Variants in SEC22C observed in about 807,000 individuals in gnomAD.
SEC22C encodes vesicle-trafficking protein SEC22c.
Under a neutral mutation model 34.7 loss-of-function variants are expected in SEC22C, and 29 were observed. The observed-to-expected ratio is 0.84, with a 90% CI of 0.62 to 1.14. SEC22C has a LOEUF of 1.14. Ranked by LOEUF, SEC22C falls within the 50% of genes most tolerant of loss-of-function variation. The pLI is 0.00. For missense variants in SEC22C, 337 were observed against 369.0 expected, an observed-to-expected ratio of 0.91 and a Z score of 0.71; for synonymous variants, 117 against 132.8, an observed-to-expected ratio of 0.88 and a Z score of 0.82.
rs1363283164 is a variant in SEC22C, at chr3:42,570,340, TTCTTAGGAAACCTACC to T, written c.-27-1283_-27-1268del. Among the ~76,000 whole-genome samples the T allele has an allele frequency of 6.6e-5, 10 of 152,334 alleles. No individual in the cohort carries two copies. In the East Asian group the frequency reaches 1.9e-3, roughly 29 times the overall value. Reference sequence around the variant, plus strand: ...AGAAGTACTTTCTCCCTCTTTTAAATTCTTAGGAAACCTACCTCTTTGTTCTCTATTTTACTGATTT... The same window carrying T: ...AGAAGTACTTTCTCCCTCTTTTAAATTCTTTGTTCTCTATTTTACTGATTT... On this transcript the variant is annotated intron_variant, in intron 1 of 6. Coordinates refer to ENST00000264454, the MANE Select transcript of SEC22C (RefSeq NM_032970.4).
rs886641719 is a variant in SEC22C, at chr3:42,549,900, T to TTA, written c.*3346_*3347dup. ...AAGCCCAAAAAGCAAAAGCAGGAGC[T>TTA]TATGGTCACATGCCTCCAGCTGCAG... On this transcript the variant is annotated 3_prime_UTR_variant, in exon 7 of 7. Coordinates refer to ENST00000264454, the MANE Select transcript of SEC22C (RefSeq NM_032970.4). 120 of 985,430 alleles carry TTA rather than the reference T, an allele frequency of 1.2e-4. No homozygotes were observed. The African/African-American group carries it at 1.7e-3, about 14-fold the overall frequency. 61.0% of individuals were successfully genotyped at this position (985,430 alleles called of 1,614,324 possible).
chr3:42,597,534 C>T (rs1015738712), intron 1 of SEC22C, among the ~76,000 whole-genome samples: 3 of 146,824 alleles, frequency 2.0e-5, no homozygotes, highest in South Asian at 2.1e-4. Flanking sequence ...CCAACCTGGG[C>T]GACGGAGCGA....
chr3:42,594,694 A>C, intron 1 of SEC22C: 8 of 473,926 alleles, frequency 1.7e-5, no homozygotes, highest in Non-Finnish European at 2.2e-5. Flanking sequence ...CTGTATTCTC[A>C]TGTAAATATT....
chr3:42,570,874 A>C (rs1041486281), intron 1 of SEC22C, among the ~76,000 whole-genome samples: 2 of 152,220 alleles, frequency 1.3e-5, no homozygotes, highest in African/African-American at 4.8e-5. Flanking sequence ...ATTTGAGACC[A>C]GGGCTTAGGC....
chr3:42,576,205 A>G (rs890127400), intron 1 of SEC22C, among the ~76,000 whole-genome samples: 8 of 152,340 alleles, frequency 5.3e-5, no homozygotes, highest in Admixed American at 4.6e-4. Flanking sequence ...CAGCTAAAAC[A>G]GTACCGAGAG....
In SEC22C at chr3:42,578,180, T is replaced by C. The variant is rs147020804; in HGVS notation, c.-28+3666A>G. On this transcript the variant is annotated intron_variant, in intron 1 of 6. Transcript: ENST00000264454. ...ACCAAAATGTCCTACAAATAGTGAA[T>C]GGTTAAACAAACCGCAGTATATTCA... Among the ~76,000 whole-genome samples, 373 of 152,290 alleles carry C rather than the reference T, an allele frequency of 2.4e-3. 1 individual carries two copies. The highest frequency in any genetic ancestry group is 7.1e-3 in the African/African-American group (295 of 41,562).
chr3:42,581,047 A>G (rs1422665180), intron 1 of SEC22C, among the ~76,000 whole-genome samples: 1 of 152,254 alleles, frequency 6.6e-6, no homozygotes, highest in Non-Finnish European at 1.5e-5. Flanking sequence ...AATCAGAGCT[A>G]TTAACATTGT....
At position 42,553,342 on chromosome 3, in the gene SEC22C, CA is replaced by C; in HGVS notation, c.817del (p.Trp273GlyfsTer7). ...NMYLHGLRNLWQILFHIGVAF... is the reference protein window; with the variant it reads ...NMYLHGLRNLXQILFHIGVAF... ...CACTCCTATGTGGAAAAGGATTTGC[CA>C]GAGGTTCCTCAGCCCGTGCAGGTAC... On this transcript the variant is annotated frameshift_variant, in exon 7 of 7. Transcript: ENST00000264454. LOFTEE classifies it high-confidence loss of function. 2 of 1,614,106 alleles carry C rather than the reference CA, an allele frequency of 1.2e-6. No homozygotes were observed. The highest frequency in any genetic ancestry group is 1.7e-6 in the Non-Finnish European group (2 of 1,180,026).
chr3:42,598,735 A>G (rs543342136), intron 1 of SEC22C, among the ~76,000 whole-genome samples: 1 of 152,120 alleles, frequency 6.6e-6, no homozygotes, highest in African/African-American at 2.4e-5. Context: ...GAACTTGGGA[A>G]AAGAGGGAAA....
intron 4 of SEC22C, among the ~76,000 whole-genome samples, chr3:42,560,840 A>G (rs576178725): frequency 1.3e-5 from 2 of 152,024 alleles, no homozygotes; most frequent in African/African-American, 2.4e-5. Context: ...GGGTTTTGCC[A>G]TGTTGCCCAG....
At chr3:42,566,046 C>A (rs1255215379) in intron 2 of SEC22C, among the ~76,000 whole-genome samples, 1 of 152,056 alleles carries the variant, frequency 6.6e-6, no homozygotes, top group South Asian at 2.1e-4. Context: ...TGAAAAATAG[C>A]CTTTAACAGA....
chr3:42,564,087 A>G (rs1489080656), intron 2 of SEC22C: 49 of 443,634 alleles, frequency 1.1e-4, no homozygotes, highest in Admixed American at 1.6e-4. Context: ...GTTCCTACAT[A>G]TTCATAAACA....
At chr3:42,598,029 A>T (rs965633978) in intron 1 of SEC22C, among the ~76,000 whole-genome samples, 3 of 152,340 alleles carry the variant, frequency 2.0e-5, no homozygotes, top group African/African-American at 7.2e-5. Flanking sequence ...TTCCTGGAAA[A>T]ATCTTAAATG....
chr3:42,587,672 C>T (rs574776460), intron 1 of SEC22C: 1 of 151,424 alleles, frequency 6.6e-6, no homozygotes, highest in South Asian at 2.1e-4. Context: ...GGAGGCGGAG[C>T]TTGCAGTGAG....
In SEC22C at chr3:42,560,162, T is replaced by C. The variant is rs137991446; in HGVS notation, c.526+955A>G. Among the ~76,000 whole-genome samples the C allele has an allele frequency of 7.8e-3, 1,135 of 145,514 alleles. 21 individuals carry two copies. Among genetic ancestry groups the C allele is most frequent in the African/African-American group, 0.027 (1,076 of 40,108 alleles). On this transcript the variant is annotated intron_variant, in intron 4 of 6. Coordinates refer to ENST00000264454, the MANE Select transcript of SEC22C (RefSeq NM_032970.4). Reference sequence around the variant, plus strand: ...TAAATAATAATTGTTTTATATATATTATATATATTTTATATATAATATATA... The same window carrying C: ...TAAATAATAATTGTTTTATATATATCATATATATTTTATATATAATATATA...
Position 42,551,290 on chromosome 3 carries a change from A to G in SEC22C, c.*1958T>C, listed in dbSNP as rs1378378540. Reference sequence around the variant, plus strand: ...CAGAAAATTATGCAGATGTGAAATCAGTGTAGAGACAACTTTGGAGTTTAT... The same window carrying G: ...CAGAAAATTATGCAGATGTGAAATCGGTGTAGAGACAACTTTGGAGTTTAT... On this transcript the variant is annotated 3_prime_UTR_variant, in exon 7 of 7. Transcript: ENST00000264454. 9 of 985,442 alleles carry G rather than the reference A, an allele frequency of 9.1e-6. No individual in the cohort carries two copies. In the South Asian group the frequency reaches 3.8e-4, roughly 41 times the overall value. 61.0% of individuals were successfully genotyped at this position (985,442 alleles called of 1,614,324 possible).
At chr3:42,564,323 A>G (rs542333520) in intron 2 of SEC22C, 1 of 167,184 alleles carries the variant, frequency 6.0e-6, no homozygotes, top group African/African-American at 2.4e-5. Context: ...TAGGTCACCT[A>G]TCTGTGTGTC....
intron 6 of SEC22C, among the ~76,000 whole-genome samples, chr3:42,554,192 T>C (rs1341788690): frequency 6.6e-6 from 1 of 151,900 alleles, no homozygotes; most frequent in East Asian, 1.9e-4. Context: ...AGGAACACAG[T>C]TGAAGGAATG....
intron 6 of SEC22C, among the ~76,000 whole-genome samples, chr3:42,555,079 C>T (rs1479371237): frequency 6.6e-6 from 1 of 152,090 alleles, no homozygotes; most frequent in African/African-American, 2.4e-5. Flanking sequence ...GGCGTGGTGG[C>T]TCATGCCTGT....
Sources: gnomAD v4.1 joint callset for allele counts (sites outside exome capture counted in the v4.1 genomes callset) on GRCh38, gnomAD v4.1.1 for gene constraint, MANE v1.5 for transcripts, NCBI Gene and HGNC (gene_info 2026-07-23, HGNC 2026-07-21) for gene names.